The following COL21A1 variants were observed in gnomAD, a reference collection of about 807,000 sequenced individuals.
COL21A1 encodes the protein collagen type XXI alpha 1 chain.
Under a neutral mutation model 137.9 loss-of-function variants are expected in COL21A1, and 149 were observed. The observed-to-expected ratio is 1.08, with a 90% CI of 0.95 to 1.24. COL21A1 has a LOEUF of 1.24. Ranked by LOEUF, COL21A1 falls within the 50% of genes most tolerant of loss-of-function variation. The pLI is 0.00. For synonymous variants in COL21A1, 456 were observed against 391.5 expected, an observed-to-expected ratio of 1.16 and a Z score of -1.95; for missense variants, 1,167 against 1,158.4, an observed-to-expected ratio of 1.01 and a Z score of -0.11.
At chr6:56,135,691 TAATA>T (rs1035554745) in intron 12 of COL21A1, among the ~76,000 whole-genome samples, 1 of 152,162 alleles carries the variant, frequency 6.6e-6, no homozygotes, top group African/African-American at 2.4e-5. Flanking sequence ...TAAATAATAA[TAATA>T]AATAAAGAAC....
At chr6:56,350,974 A>G (rs1469868666) in intron 1 of COL21A1, among the ~76,000 whole-genome samples, 8 of 152,260 alleles carry the variant, frequency 5.3e-5, no homozygotes, top group Admixed American at 5.2e-4. Context: ...GCTGTAGTCA[A>G]GCTTTAAATG....
intron 17 of COL21A1, among the ~76,000 whole-genome samples, chr6:56,098,772 G>GTA: frequency 7.4e-6 from 1 of 135,080 alleles, no homozygotes; most frequent in East Asian, 2.1e-4. Context: ...CTGGAGTGCA[G>GTA]TAGCGCGATC....
intron 1 of COL21A1, among the ~76,000 whole-genome samples, chr6:56,332,718 T>C (rs1765257837): frequency 6.6e-6 from 1 of 152,068 alleles, no homozygotes; most frequent in South Asian, 2.1e-4. Context: ...ATTAACTAGA[T>C]AGAGAGTGTC....
chr6:56,075,593 G>A, intron 18 of COL21A1, 61 bp from the exon 19 acceptor site: 1 of 1,236,242 alleles, frequency 8.1e-7, no homozygotes, highest in Non-Finnish European at 1.1e-6. Context: ...TTTCAAGAAA[G>A]CTTCTGCCAA....
intron 1 of COL21A1, among the ~76,000 whole-genome samples, chr6:56,283,847 T>A (rs910218408): frequency 2.7e-5 from 4 of 147,934 alleles, no homozygotes; most frequent in African/African-American, 1.0e-4. Flanking sequence ...GGGGTAGCAT[T>A]TTATCTGTAG....
At chr6:56,376,744 TC>T (rs2093999930) in intron 1 of COL21A1, among the ~76,000 whole-genome samples, 1 of 151,672 alleles carries the variant, frequency 6.6e-6, no homozygotes, top group South Asian at 2.1e-4. Flanking sequence ...AGGATAGGGG[TC>T]TTGAGATTTT....
chr6:56,183,522 C>A (rs764834153), intron 1 of COL21A1, among the ~76,000 whole-genome samples: 14 of 152,154 alleles, frequency 9.2e-5, no homozygotes, highest in Non-Finnish European at 1.8e-4. Context: ...GCAGTTCCTT[C>A]TGGTGAGCCT....
chr6:56,227,973 T>C (rs769044478), intron 1 of COL21A1, among the ~76,000 whole-genome samples: 6 of 151,918 alleles, frequency 3.9e-5, no homozygotes, highest in African/African-American at 1.2e-4. Flanking sequence ...GACAGGAAGA[T>C]AGTACCTGAA....
At chr6:56,185,201 A>G (rs1561960609) in intron 1 of COL21A1, among the ~76,000 whole-genome samples, 1 of 151,956 alleles carries the variant, frequency 6.6e-6, no homozygotes, top group Non-Finnish European at 1.5e-5. Context: ...GAAAAGTAGA[A>G]AAGGTATAAA....
intron 1 of COL21A1, among the ~76,000 whole-genome samples, chr6:56,282,648 T>C (rs1342172969): frequency 6.6e-6 from 1 of 152,250 alleles, no homozygotes; most frequent in Non-Finnish European, 1.5e-5. Flanking sequence ...TTGAGGGTTT[T>C]ATTAAATAAA....
chr6:56,091,984 C>G (rs1018377176), intron 17 of COL21A1, among the ~76,000 whole-genome samples: 1 of 151,854 alleles, frequency 6.6e-6, no homozygotes, highest in African/African-American at 2.4e-5. Context: ...AAAGAAAATT[C>G]CAAAATATTA....
chr6:56,186,993 T>A (rs1778348778), intron 1 of COL21A1, among the ~76,000 whole-genome samples: 1 of 152,250 alleles, frequency 6.6e-6, no homozygotes, highest in African/African-American at 2.4e-5. Context: ...GAACTGATAT[T>A]AACTGATACT....
chr6:56,342,307 T>C (rs1355709507), intron 1 of COL21A1, among the ~76,000 whole-genome samples: 1 of 152,174 alleles, frequency 6.6e-6, no homozygotes, highest in African/African-American at 2.4e-5. Context: ...CTCTAAACAT[T>C]CTGGATTATT....
chr6:56,376,448 T>TG (rs1281584374), intron 1 of COL21A1, among the ~76,000 whole-genome samples: 2 of 122,170 alleles, frequency 1.6e-5, no homozygotes, highest in Non-Finnish European at 3.5e-5. Flanking sequence ...TAAAGAAAGT[T>TG]TTTTTTTTTT....
intron 1 of COL21A1, among the ~76,000 whole-genome samples, chr6:56,228,045 G>A (rs1378395407): frequency 2.0e-5 from 3 of 151,942 alleles, no homozygotes; most frequent in East Asian, 1.9e-4. Context: ...GAAGTGAACC[G>A]CCCATGGAGA....
Position 56,060,193 on chromosome 6 carries a change from A to G in COL21A1, c.2433T>C (p.Ser811=), listed in dbSNP as rs954640245. ...IRAQLPVLLQ[S]GRIRNCDHCL... ...AATGATCACAATTTCTAATTCTTCC[A>G]CTCTGAAGTAAGACTGGTAGCTGGG... The change falls in exon 28 of 30, where the codon AGT becomes AGC. Residue 811 remains serine (S), a synonymous_variant. Coordinates refer to ENST00000244728, the MANE Select transcript of COL21A1 (RefSeq NM_030820.4). The G allele has an allele frequency of 1.2e-6, 2 of 1,605,662 alleles. No homozygotes were observed. The highest frequency in any genetic ancestry group is 1.7e-6 in the Non-Finnish European group (2 of 1,177,204).
Position 56,164,824 on chromosome 6 carries a change from T to G in COL21A1, c.1279-2A>C. 6.4e-7 allele frequency: 1 copy of G among 1,559,470 alleles called. No homozygotes were observed. The highest frequency in any genetic ancestry group is 8.7e-7 in the Non-Finnish European group (1 of 1,149,018). ...AGTATCCAAGCCTACCTCTCCATTC[T>G]GAAAGAAAAACAACAAATGTGTTTT... On this transcript the variant is annotated splice_acceptor_variant, in intron 7 of 29. Transcript: ENST00000244728. LOFTEE classifies it high-confidence loss of function.
chr6:56,259,536 G>T (rs896327807), intron 1 of COL21A1, among the ~76,000 whole-genome samples: 1 of 152,176 alleles, frequency 6.6e-6, no homozygotes, highest in Non-Finnish European at 1.5e-5. Context: ...GACATTTTTA[G>T]AAAATTACAT....
intron 1 of COL21A1, among the ~76,000 whole-genome samples, chr6:56,341,419 T>C (rs1765466066): frequency 6.6e-6 from 1 of 152,030 alleles, no homozygotes; most frequent in Non-Finnish European, 1.5e-5. Flanking sequence ...AGAAATGAAC[T>C]GCCAAGCCAT....
Sources: allele counts gnomAD v4.1 joint callset (sites outside exome capture counted in the v4.1 genomes callset), GRCh38; gene constraint gnomAD v4.1.1; transcripts MANE v1.5; gene names NCBI Gene and HGNC (gene_info 2026-07-23, HGNC 2026-07-21).